WDFY2: variants seen among roughly 807,000 people sequenced by gnomAD.
WDFY2 encodes the protein WD repeat and FYVE domain-containing protein 2.
WDFY2 carries 36 observed loss-of-function variants against 56.4 expected under a neutral mutation model. That is an observed-to-expected ratio of 0.64 (90% confidence interval 0.49 to 0.84). WDFY2 has a LOEUF of 0.84. Ranked by LOEUF, WDFY2 falls within the 40% of genes least tolerant of loss-of-function variation. The pLI, the probability that WDFY2 is intolerant of heterozygous loss-of-function variation, is 0.00. For missense variants in WDFY2, 444 were observed against 512.2 expected, an observed-to-expected ratio of 0.87 and a Z score of 1.29; for synonymous variants, 176 against 183.7, an observed-to-expected ratio of 0.96 and a Z score of 0.34.
intron 1 of WDFY2, among the ~76,000 whole-genome samples, chr13:51,641,963 T>C (rs1850198192): frequency 6.6e-6 from 1 of 152,184 alleles, no homozygotes; most frequent in Non-Finnish European, 1.5e-5. Flanking sequence ...TGATCTGATC[T>C]TGAGCTAATT....
At chr13:51,652,986 A>G (rs1955426307) in intron 1 of WDFY2, among the ~76,000 whole-genome samples, 1 of 152,178 alleles carries the variant, frequency 6.6e-6, no homozygotes, top group Admixed American at 6.5e-5. Context: ...CCTGGATAAT[A>G]TCCTGCACAG....
intron 3 of WDFY2, among the ~76,000 whole-genome samples, chr13:51,684,442 T>A (rs1458590738): frequency 6.6e-6 from 1 of 151,916 alleles, no homozygotes. Flanking sequence ...CTTTCTCTGT[T>A]AGAGCCTTAG....
chr13:51,585,958 T>A, intron 1 of WDFY2: 1 of 398,454 alleles, frequency 2.5e-6, no homozygotes, highest in East Asian at 3.6e-5. Context: ...AGGATGAGTA[T>A]ATTAATGACA....
Position 51,624,914 on chromosome 13 carries a change from G to A in WDFY2, c.138-35682G>A, listed in dbSNP as rs537040078. ...GGAAGTGAGAGAAAGGAGAGTATTA[G>A]GAGGCAAGATTAGGGGGATGTCACA... is the stretch of plus-strand genomic sequence containing the variant. On this transcript the variant is annotated intron_variant, in intron 1 of 11. Transcript: ENST00000298125. Among the ~76,000 whole-genome samples, 3 of 152,330 alleles carry A rather than the reference G, an allele frequency of 2.0e-5. No individual in the cohort carries two copies. In the East Asian group the frequency reaches 5.8e-4, roughly 29 times the overall value.
intron 1 of WDFY2, chr13:51,591,442 G>C (rs112851712): frequency 2.0e-5 from 3 of 152,116 alleles, no homozygotes; most frequent in Non-Finnish European, 2.9e-5. Flanking sequence ...TGGGTGGTTT[G>C]CCAGCAACCA....
At chr13:51,724,771 T>A (rs1463553809) in intron 5 of WDFY2, among the ~76,000 whole-genome samples, 2 of 152,218 alleles carry the variant, frequency 1.3e-5, no homozygotes, top group East Asian at 3.9e-4. Flanking sequence ...GTACATTCTA[T>A]GGATTTGGAC....
chr13:51,623,911 C>T (rs1048968015), intron 1 of WDFY2, among the ~76,000 whole-genome samples: 2 of 151,804 alleles, frequency 1.3e-5, no homozygotes, highest in East Asian at 3.9e-4. Context: ...GTCTCCACAC[C>T]ATCCCTGCCC....
At chr13:51,731,328 T>C (rs17075907) in intron 6 of WDFY2, among the ~76,000 whole-genome samples, 18,107 of 152,280 alleles carry the variant, frequency 0.12, 1,357 homozygotes, top group South Asian at 0.2. Context: ...AGCACTCTTG[T>C]CAGCCACATA....
chr13:51,760,055 T>C lies in WDFY2; in HGVS notation c.*286T>C, dbSNP rs1332698707. On this transcript the variant is annotated 3_prime_UTR_variant, in exon 12 of 12. Transcript: ENST00000298125. ...TTTTGAGTGTACCGAAAAATCTGTG[T>C]GGGGTGTTTAATTTTTATACTTTTC... 12 of 326,326 alleles carry C rather than the reference T, an allele frequency of 3.7e-5. No individual in the cohort carries two copies. Among genetic ancestry groups the C allele is most frequent in the Non-Finnish European group, 6.1e-5 (11 of 179,736 alleles). The allele number at this position is 326,326 out of a possible 1,614,324, so 20.2% of individuals were successfully genotyped here.
intron 3 of WDFY2, 87 bp downstream of exon 3, chr13:51,675,330 C>A: frequency 7.9e-7 from 1 of 1,266,490 alleles, no homozygotes; most frequent in Admixed American, 2.2e-5. Flanking sequence ...TTCAAGTTAA[C>A]AGAAGAATTT....
intron 4 of WDFY2, among the ~76,000 whole-genome samples, chr13:51,704,439 T>C (rs1952044414): frequency 6.6e-6 from 1 of 152,232 alleles, no homozygotes. Flanking sequence ...GCATAAGCAG[T>C]TTATAATCAT....
intron 3 of WDFY2, among the ~76,000 whole-genome samples, chr13:51,676,549 G>T (rs1049008195): frequency 9.2e-5 from 14 of 152,214 alleles, no homozygotes; most frequent in African/African-American, 3.4e-4. Flanking sequence ...TTGTAATCTT[G>T]CCCCAGCCCC....
intron 3 of WDFY2, among the ~76,000 whole-genome samples, chr13:51,696,243 A>T (rs1015991035): frequency 6.6e-6 from 1 of 152,224 alleles, no homozygotes; most frequent in Non-Finnish European, 1.5e-5. Context: ...TCAGATGGAA[A>T]TGCAGAAATC....
At chr13:51,598,691 A>G (rs1449509771) in intron 1 of WDFY2, 1 of 152,124 alleles carries the variant, frequency 6.6e-6, no homozygotes, top group Non-Finnish European at 1.5e-5. Context: ...AGAAATATAT[A>G]TGGTTATGCC....
chr13:51,731,821 A>G (rs989057936), intron 6 of WDFY2, among the ~76,000 whole-genome samples: 2 of 152,210 alleles, frequency 1.3e-5, no homozygotes, highest in African/African-American at 4.8e-5. Context: ...ATCCAAACTC[A>G]GAAGCAGACA....
chr13:51,697,790 G>C (rs1434741271), intron 3 of WDFY2, among the ~76,000 whole-genome samples: 1 of 152,158 alleles, frequency 6.6e-6, no homozygotes, highest in Admixed American at 6.6e-5. Context: ...AGTTAAAAAG[G>C]AGAGCTACAA....
chr13:51,731,759 A>G (rs1374148174), intron 6 of WDFY2, among the ~76,000 whole-genome samples: 1 of 152,202 alleles, frequency 6.6e-6, no homozygotes, highest in East Asian at 1.9e-4. Context: ...TGAACACCCT[A>G]AAGTTAACCC....
chr13:51,721,281 A>G (rs1203810959), intron 5 of WDFY2, among the ~76,000 whole-genome samples: 1 of 152,068 alleles, frequency 6.6e-6, no homozygotes, highest in Non-Finnish European at 1.5e-5. Flanking sequence ...TTTTTTTCCC[A>G]TTATACTGCA....
intron 3 of WDFY2, among the ~76,000 whole-genome samples, chr13:51,693,934 G>GTAA (rs1177535544): frequency 1.8e-3 from 269 of 151,738 alleles, no homozygotes; most frequent in African/African-American, 4.9e-3. Context: ...TTACCATTAT[G>GTAA]TAATGGCCTT....
Sources: allele counts gnomAD v4.1 joint callset (sites outside exome capture counted in the v4.1 genomes callset), GRCh38; gene constraint gnomAD v4.1.1; transcripts MANE v1.5; gene names NCBI Gene and HGNC (gene_info 2026-07-23, HGNC 2026-07-21).